The following ACTR2 variants were observed in gnomAD, a reference collection of about 807,000 sequenced individuals.
The protein encoded by ACTR2 is actin-related protein 2.
In ACTR2, 5 loss-of-function variants were observed where a neutral mutation model predicts 50.2. The ratio of observed to expected loss-of-function variants is 0.10; its 90% CI spans 0.05 to 0.21. ACTR2 has a LOEUF of 0.21. Ranked by LOEUF, ACTR2 falls within the 10% of genes least tolerant of loss-of-function variation. The pLI is 1.00. For synonymous variants in ACTR2, 140 were observed against 162.9 expected, an observed-to-expected ratio of 0.86 and a Z score of 1.07; for missense variants, 180 against 480.6, an observed-to-expected ratio of 0.37 and a Z score of 5.85.
intron 1 of ACTR2, among the ~76,000 whole-genome samples, chr2:65,234,493 G>C (rs922897077): frequency 6.6e-6 from 1 of 151,768 alleles, no homozygotes; most frequent in African/African-American, 2.4e-5. Flanking sequence ...TTCAGTTTTT[G>C]TCTTCTAACT....
intron 1 of ACTR2, among the ~76,000 whole-genome samples, chr2:65,233,474 G>A (rs1573146710): frequency 1.3e-5 from 2 of 151,698 alleles, no homozygotes; most frequent in African/African-American, 2.4e-5. Flanking sequence ...GAGCAACAGC[G>A]AGACCCCTGT....
chr2:65,252,297 ATG>A (rs898294142), intron 4 of ACTR2, among the ~76,000 whole-genome samples: 3 of 151,848 alleles, frequency 2.0e-5, no homozygotes. Flanking sequence ...AGGGCTGTAT[ATG>A]AGTTTTATGA....
chr2:65,234,697 C>T (rs7589984), intron 1 of ACTR2, among the ~76,000 whole-genome samples: 55,003 of 152,008 alleles, frequency 0.36, 11,873 homozygotes, highest in African/African-American at 0.6. Flanking sequence ...GCACTAGGAT[C>T]AGACCTATGC....
At chr2:65,261,739 T>G (rs997016571) in intron 7 of ACTR2, among the ~76,000 whole-genome samples, 14 of 152,352 alleles carry the variant, frequency 9.2e-5, no homozygotes, top group Admixed American at 2.6e-4. Context: ...TTCAGATCCT[T>G]TGGAGATACA....
chr2:65,245,377 A>G (rs927136624), intron 2 of ACTR2, among the ~76,000 whole-genome samples: 1 of 151,936 alleles, frequency 6.6e-6, no homozygotes, highest in Non-Finnish European at 1.5e-5. Flanking sequence ...AAAATTAGCC[A>G]GGCGTGGTGG....
At chr2:65,242,364 T>C (rs1386842539) in intron 2 of ACTR2, among the ~76,000 whole-genome samples, 2 of 152,148 alleles carry the variant, frequency 1.3e-5, no homozygotes. Context: ...TTGTGCATAA[T>C]ATTAGAAACC....
chr2:65,251,096 C>T lies in ACTR2; in HGVS notation c.445C>T (p.Gln149Ter). Residue 149 changes from glutamine to a stop codon, truncating the protein, a stop_gained, in exon 4 of 9, where the codon CAA (glutamine) becomes TAA (stop). Transcript: ENST00000260641. LOFTEE classifies it high-confidence loss of function. The stretch of plus-strand genomic sequence containing the variant: ...CCAGGCAGTTCTGACTTTGTACGCT[C>T]AAGGTAGGTTAAGCTTAACTGTTAG... Reference protein sequence around the residue: ...AIQAVLTLYAQGLLTGVVVDS... With the variant: ...AIQAVLTLYA 1 of 1,602,054 alleles carries T rather than the reference C, an allele frequency of 6.2e-7. No individual in the cohort carries two copies. Among genetic ancestry groups the T allele is most frequent in the Non-Finnish European group, 8.5e-7 (1 of 1,173,606 alleles).
At chr2:65,262,494 A>G (rs1167269955) in intron 7 of ACTR2, among the ~76,000 whole-genome samples, 1 of 151,058 alleles carries the variant, frequency 6.6e-6, no homozygotes, top group Non-Finnish European at 1.5e-5. Flanking sequence ...ACCCCACCTC[A>G]GCCTACCAAA....
chr2:65,240,280 G>A (rs914018130), intron 2 of ACTR2, among the ~76,000 whole-genome samples: 15 of 152,046 alleles, frequency 9.9e-5, no homozygotes, highest in Non-Finnish European at 2.1e-4. Flanking sequence ...AAAAGAAATC[G>A]GCCTGGTATT....
At chr2:65,234,066 A>G (rs1235882915) in intron 1 of ACTR2, among the ~76,000 whole-genome samples, 4 of 151,898 alleles carry the variant, frequency 2.6e-5, no homozygotes, top group African/African-American at 9.7e-5. Context: ...GTGTGTCACC[A>G]CGCCTGGCTA....
chr2:65,267,546 T>C (rs1305679170), intron 8 of ACTR2, among the ~76,000 whole-genome samples: 1 of 152,224 alleles, frequency 6.6e-6, no homozygotes, highest in Non-Finnish European at 1.5e-5. Flanking sequence ...ACTTGCTATG[T>C]CATTTTAAGG....
At chr2:65,239,123 T>C (rs1204249522) in intron 1 of ACTR2, among the ~76,000 whole-genome samples, 1 of 152,208 alleles carries the variant, frequency 6.6e-6, no homozygotes. Context: ...ATTGAAGCTT[T>C]AGTTCTGTTC....
chr2:65,270,847 G>T lies in ACTR2; in HGVS notation c.*2113G>T, dbSNP rs1327369389. On this transcript the variant is annotated 3_prime_UTR_variant, in exon 9 of 9. Transcript: ENST00000260641. ...GGGTGACATAATGCATTTAAATTTG[G>T]GATTTGGGTGGAGTATTATGTTTAA... 1 of 151,640 alleles carries T rather than the reference G, an allele frequency of 6.6e-6. No homozygotes were observed. The highest frequency in any genetic ancestry group is 1.5e-5 in the Non-Finnish European group (1 of 67,950). The allele number at this position is 151,640 out of a possible 1,614,324, so 9.4% of individuals were successfully genotyped here.
chr2:65,228,452 T>C (rs1490017951), intron 1 of ACTR2: 1 of 147,138 alleles, frequency 6.8e-6, no homozygotes, highest in Non-Finnish European at 1.5e-5. Flanking sequence ...AAAAGGGAAG[T>C]GCTGTCATGG....
intron 8 of ACTR2, 63 bp downstream of exon 8, chr2:65,265,238 A>G: frequency 6.3e-7 from 1 of 1,589,338 alleles, no homozygotes; most frequent in East Asian, 2.2e-5. Context: ...TAGTTTGTGA[A>G]TCTTGACAAC....
chr2:65,251,208 A>G, intron 4 of ACTR2, 109 bp downstream of exon 4: 2 of 566,324 alleles, frequency 3.5e-6, no homozygotes, highest in Non-Finnish European at 6.2e-6. Context: ...AGAAAACTAC[A>G]TTATTTATAT....
intron 3 of ACTR2, among the ~76,000 whole-genome samples, chr2:65,247,990 T>G (rs938072927): frequency 4.6e-5 from 7 of 152,158 alleles, no homozygotes; most frequent in African/African-American, 1.7e-4. Context: ...TGTAAAGGTC[T>G]TAAGTTAGGA....
chr2:65,267,927 C>T (rs61452818), intron 8 of ACTR2, among the ~76,000 whole-genome samples: 6,748 of 136,116 alleles, frequency 0.05, 556 homozygotes, highest in African/African-American at 0.17. Flanking sequence ...AGCTCCACCT[C>T]CCAGGTTTAC....
chr2:65,268,003 AT>A (rs552406136), intron 8 of ACTR2, among the ~76,000 whole-genome samples: 1,647 of 149,110 alleles, frequency 0.011, 17 homozygotes, highest in South Asian at 0.038. Context: ...TGCCCGGCTA[AT>A]TTTTTTGTAT....
Sources: allele counts gnomAD v4.1 joint callset (sites outside exome capture counted in the v4.1 genomes callset), GRCh38; gene constraint gnomAD v4.1.1; transcripts MANE v1.5; gene names NCBI Gene and HGNC (gene_info 2026-07-23, HGNC 2026-07-21).